The following RPS5 variants were observed in gnomAD, a reference collection of about 807,000 sequenced individuals.
RPS5 encodes the protein ribosomal protein S5.
Under a neutral mutation model 20.9 loss-of-function variants are expected in RPS5, and 2 were observed. The observed-to-expected ratio is 0.10, with a 90% CI of 0.04 to 0.30. The LOEUF (loss-of-function observed/expected upper bound fraction) is 0.30. Ranked by LOEUF, RPS5 falls within the 10% of genes least tolerant of loss-of-function variation. The probability of loss-of-function intolerance (pLI) is 1.00; values close to 1 mark genes in which losing one functional copy is unlikely to be tolerated. For missense variants in RPS5, 122 were observed against 287.2 expected, an observed-to-expected ratio of 0.42 and a Z score of 4.16; for synonymous variants, 112 against 105.8, an observed-to-expected ratio of 1.06 and a Z score of -0.36.
At chr19:58,390,759 G>A (rs1476408016) in intron 2 of RPS5, among the ~76,000 whole-genome samples, 1 of 152,138 alleles carries the variant, frequency 6.6e-6, no homozygotes, top group Non-Finnish European at 1.5e-5. Context: ...GGGCTCCACT[G>A]TTGGGCCAAA....
In RPS5 at chr19:58,394,499, C is replaced by T. The variant is rs541266724; in HGVS notation, c.450C>T (p.Ala150=). 37 of 1,613,826 alleles carry T rather than the reference C, an allele frequency of 2.3e-5. No homozygotes were observed. Among genetic ancestry groups the T allele is most frequent in the Non-Finnish European group, 2.9e-5 (34 of 1,179,970 alleles). The change falls in exon 5 of 6, where the codon GCC becomes GCT. Residue 150 remains alanine, a splice_region_variant and synonymous_variant. Coordinates refer to ENST00000196551, the MANE Select transcript of RPS5 (RefSeq NM_001009.4). ...DVSPLRRVNQ[A]IWLLCTGARE... The stretch of plus-strand genomic sequence containing the variant: ...CCTGACCCCTGCTGTCTTCCTAGGC[C>T]ATCTGGCTGCTGTGCACAGGCGCTC...
At position 58,394,714 on chromosome 19, in the gene RPS5, G is replaced by A. The variant is rs747748762; in HGVS notation, c.579G>A (p.Lys193=). 19 of 1,614,110 alleles carry A rather than the reference G, an allele frequency of 1.2e-5. No individual in the cohort carries two copies. In the South Asian group the frequency reaches 2.1e-4, roughly 18 times the overall value. The change falls in exon 6 of 6, where the codon AAG becomes AAA. Residue 193 remains lysine (K), a synonymous_variant. Transcript: ENST00000196551. ...CGAACTCCTATGCCATTAAGAAGAA[G>A]GACGAGCTGGAGCGTGTGGCCAAGT... The part of the protein sequence containing the change: ...GSSNSYAIKK[K]DELERVAKSN...
At chr19:58,388,402 T>TA (rs1375043251) in intron 2 of RPS5, 157 bp downstream of exon 2, 1 of 622,596 alleles carries the variant, frequency 1.6e-6, no homozygotes, top group South Asian at 1.9e-5. Flanking sequence ...CATCTGCTCT[T>TA]ACGTCCTGTT....
Position 58,393,382 on chromosome 19 carries a change from C to G in RPS5, c.342C>G (p.Asn114Lys). The G allele has an allele frequency of 1.9e-6, 3 of 1,613,834 alleles. No homozygotes were observed. The highest frequency in any genetic ancestry group is 2.5e-6 in the Non-Finnish European group (3 of 1,180,030). Reference protein sequence around the residue: ...TGENPLQVLVNAIINSGPRED... With the variant: ...TGENPLQVLVKAIINSGPRED... ...AGAACCCTCTGCAGGTCCTGGTGAA[C>G]GCCATCATCAACAGTGGTCCCCGGG... Residue 114 changes from asparagine to lysine, a missense_variant, in exon 4 of 6, where the codon AAC (asparagine) becomes AAG (lysine). By Grantham distance (94) the Asn-to-Lys change is moderately conservative. This residue lies in a region of RPS5 where 10 missense variants were observed against 52.0 expected (regional missense o/e 0.19). Transcript: ENST00000196551.
rs190176956 is a variant in RPS5 at position 58,388,876 on chromosome 19, G to A, written c.108+631G>A. The stretch of plus-strand genomic sequence containing the variant: ...GATCTCCTGACCTCGTGATCCGCCC[G>A]TCTCGGCCTCCCAAAGTGCTGGGAT... On this transcript the variant is annotated intron_variant, in intron 2 of 5. Transcript: ENST00000196551. Among the ~76,000 whole-genome samples, 1,112 of 152,010 alleles carry A rather than the reference G, an allele frequency of 7.3e-3. 7 individuals are homozygous for A. Among genetic ancestry groups the A allele is most frequent in the Non-Finnish European group, 0.01 (711 of 67,990 alleles).
chr19:58,389,608 ATAT>A (rs756295914), intron 2 of RPS5, among the ~76,000 whole-genome samples: 70 of 152,030 alleles, frequency 4.6e-4, no homozygotes, highest in African/African-American at 1.6e-3. Flanking sequence ...AACATTTTAA[ATAT>A]TATTATTATT....
chr19:58,388,344 G>T, intron 2 of RPS5, 99 bp downstream of exon 2: 1 of 823,730 alleles, frequency 1.2e-6, no homozygotes. Flanking sequence ...GTCAAGAATA[G>T]AGATCATAAC....
chr19:58,390,426 C>CTTTTT (rs61279930), intron 2 of RPS5, among the ~76,000 whole-genome samples: 6 of 47,708 alleles, frequency 1.3e-4, no homozygotes, highest in Admixed American at 3.3e-4. Flanking sequence ...GCCACTGTTA[C>CTTTTT]TTTTTTTTTT....
Position 58,393,349 on chromosome 19 carries a change from TTC to T in RPS5, c.319-4_319-3del. On this transcript the variant is annotated splice_region_variant and splice_polypyrimidine_tract_variant and intron_variant, in intron 3 of 5. Transcript: ENST00000196551. ...GCTGGATGTCAGGCTCATATCCCCC[TTC>T]TCTCTAGAACCCTCTGCAGGTCCTG... 1 of 1,613,312 alleles carries T rather than the reference TTC, an allele frequency of 6.2e-7. No individual in the cohort carries two copies. Among genetic ancestry groups the T allele is most frequent in the South Asian group, 1.1e-5 (1 of 91,052 alleles).
chr19:58,390,783 AT>A (rs2052358136), intron 2 of RPS5, among the ~76,000 whole-genome samples: 1 of 152,086 alleles, frequency 6.6e-6, no homozygotes, highest in South Asian at 2.1e-4. Flanking sequence ...TTCCTGGGGA[AT>A]TTGGTGTTTG....
At chr19:58,392,507 C>CA (rs2052370158) in intron 2 of RPS5, among the ~76,000 whole-genome samples, 1 of 151,640 alleles carries the variant, frequency 6.6e-6, no homozygotes, top group Non-Finnish European at 1.5e-5. Flanking sequence ...CCCCTATAAT[C>CA]CTAGCTACTC....
intron 2 of RPS5, chr19:58,388,705 C>T (rs1023904786): frequency 1.1e-4 from 35 of 332,280 alleles, no homozygotes; most frequent in Non-Finnish European, 1.6e-4. Context: ...TGCAGTGACG[C>T]GATCTGCCTA....
intron 1 of RPS5, 71 bp from the exon 2 acceptor site, chr19:58,388,066 G>A (rs1349111725): frequency 3.9e-6 from 4 of 1,016,922 alleles, no homozygotes; most frequent in Non-Finnish European, 6.1e-6. Flanking sequence ...CCTCAGAGTT[G>A]GGAATGAGTG....
At chr19:58,388,674 ACT>A (rs2052343839) in intron 2 of RPS5, 1 of 336,564 alleles carries the variant, frequency 3.0e-6, no homozygotes, top group Non-Finnish European at 4.9e-6. Context: ...ACGGAGTCTC[ACT>A]CTGTTCCCTG....
At chr19:58,392,280 C>A (rs962861093) in intron 2 of RPS5, among the ~76,000 whole-genome samples, 3 of 151,790 alleles carry the variant, frequency 2.0e-5, no homozygotes, top group Non-Finnish European at 2.9e-5. Context: ...GCCGAGGTTG[C>A]GCCACTGCAC....
chr19:58,392,312 A>C (rs2052368270), intron 2 of RPS5, among the ~76,000 whole-genome samples: 1 of 150,818 alleles, frequency 6.6e-6, no homozygotes, highest in South Asian at 2.1e-4. Flanking sequence ...TGACAGCAAG[A>C]CTCAGCCTCA....
intron 2 of RPS5, among the ~76,000 whole-genome samples, chr19:58,390,682 T>A (rs761527200): frequency 5.3e-5 from 8 of 152,126 alleles, no homozygotes; most frequent in Non-Finnish European, 1.0e-4. Flanking sequence ...TAAACGTTTG[T>A]TAAGTGCCTG....
chr19:58,394,738 G>A lies in RPS5; in HGVS notation c.603G>A (p.Lys201=), dbSNP rs772529800. Residue 201 remains lysine, a synonymous_variant, in exon 6 of 6, where the codon AAG becomes AAA. Transcript: ENST00000196551. ...AGGACGAGCTGGAGCGTGTGGCCAA[G>A]TCCAACCGCTGATTTTCCCAGCTGC... ...KKKDELERVA[K]SNR 4 of 1,614,066 alleles carry A rather than the reference G, an allele frequency of 2.5e-6. No individual in the cohort carries two copies. The South Asian group carries it at 4.4e-5, about 18-fold the overall frequency.
rs1254620822 is a variant in RPS5, at chr19:58,388,133, C to T, written c.-1-4C>T. 12 of 1,605,440 alleles carry T rather than the reference C, an allele frequency of 7.5e-6. No individual in the cohort carries two copies. The highest frequency in any genetic ancestry group is 4.0e-5 in the African/African-American group (3 of 74,848). Reference sequence around the variant, plus strand: ...GTTTTTTTCCTGTCATCACCCTGTCCCAGGATGACCGAGTGGGAGACAGCA... The same window carrying T: ...GTTTTTTTCCTGTCATCACCCTGTCTCAGGATGACCGAGTGGGAGACAGCA... On this transcript the variant is annotated splice_polypyrimidine_tract_variant and splice_region_variant and intron_variant, in intron 1 of 5. Coordinates refer to ENST00000196551, the MANE Select transcript of RPS5 (RefSeq NM_001009.4).
Sources: allele counts gnomAD v4.1 joint callset (sites outside exome capture counted in the v4.1 genomes callset), GRCh38; gene constraint gnomAD v4.1.1; regional missense constraint gnomAD v4.1.1; transcripts MANE v1.5; gene names NCBI Gene and HGNC (gene_info 2026-07-23, HGNC 2026-07-21).